PWP1: variants seen among roughly 807,000 people sequenced by gnomAD.
PWP1 encodes the protein PWP1 homolog, endonuclein, also known as periodic tryptophan protein 1 homolog.
In PWP1, 47 loss-of-function variants were observed where a neutral mutation model predicts 69.9. The ratio of observed to expected loss-of-function variants is 0.67; its 90% CI spans 0.53 to 0.86. The LOEUF (loss-of-function observed/expected upper bound fraction) is 0.86. Ranked by LOEUF, PWP1 falls within the 40% of genes least tolerant of loss-of-function variation. The pLI is 0.00. For missense variants in PWP1, 551 were observed against 608.8 expected (o/e 0.91, Z 1.00); for synonymous variants, 222 against 208.2 (o/e 1.07, Z -0.57).
At chr12:107,689,169 C>A (rs188688223) in intron 3 of PWP1, among the ~76,000 whole-genome samples, 1 of 152,192 alleles carries the variant, frequency 6.6e-6, no homozygotes, top group African/African-American at 2.4e-5. Context: ...GTAGTCCCCC[C>A]TTATCCACGG....
chr12:107,696,654 T>C (rs1889596256), intron 6 of PWP1, 70 bp downstream of exon 6: 2 of 1,587,624 alleles, frequency 1.3e-6, no homozygotes, highest in African/African-American at 1.4e-5. Context: ...CCATAAATTA[T>C]GTATTCTCTT....
In PWP1 at chr12:107,709,195, A is replaced by G; in HGVS notation, c.1253A>G (p.Asp418Gly). ...GTGAAGATCTGGGACATCTTAGGAG[A>G]TAGGCCAAGTCTAGTTCATTCTAGG... ...KYVKIWDILG[D>G]RPSLVHSRDM... Residue 418 changes from aspartate to glycine, a missense_variant, in exon 13 of 15, where the codon GAT (aspartate) becomes GGT (glycine). Coordinates refer to ENST00000412830, the MANE Select transcript of PWP1 (RefSeq NM_007062.3). 1 of 1,613,848 alleles carries G rather than the reference A, an allele frequency of 6.2e-7. No homozygotes were observed. The highest frequency in any genetic ancestry group is 8.5e-7 in the Non-Finnish European group (1 of 1,179,830).
At chr12:107,694,837 T>C (rs1210922749) in intron 5 of PWP1, among the ~76,000 whole-genome samples, 1 of 152,158 alleles carries the variant, frequency 6.6e-6, no homozygotes, top group Non-Finnish European at 1.5e-5. Context: ...TAGATATACT[T>C]TATTATTTGG....
intron 10 of PWP1, 46 bp from the exon 11 acceptor site, chr12:107,704,590 G>T (rs1187713122): frequency 1.6e-6 from 2 of 1,276,166 alleles, no homozygotes; most frequent in South Asian, 2.5e-5. Context: ...AAAACATATA[G>T]GAGAATTGAA....
chr12:107,712,208 C>T lies in PWP1; in HGVS notation c.1494C>T (p.Pro498=), dbSNP rs768502578. 69 of 1,611,760 alleles carry T rather than the reference C, an allele frequency of 4.3e-5. No individual in the cohort carries two copies. Among genetic ancestry groups the T allele is most frequent in the South Asian group, 1.6e-4 (15 of 91,040 alleles). The change falls in exon 15 of 15, where the codon CCC becomes CCT. Residue 498 remains proline, a synonymous_variant. Coordinates refer to ENST00000412830, the MANE Select transcript of PWP1 (RefSeq NM_007062.3). The stretch of plus-strand genomic sequence containing the variant: ...TTGGCAGCAGGAGCTCAGATACACC[C>T]ATGGAGTCTTAATGAAGATCATCTA... ...GPFGSRSSDT[P]MES
chr12:107,711,867 C>A (rs1205389784), intron 14 of PWP1, among the ~76,000 whole-genome samples: 1 of 152,086 alleles, frequency 6.6e-6, no homozygotes, highest in Admixed American at 6.6e-5. Flanking sequence ...AGGAATGGGA[C>A]ATTTGTTACC....
intron 13 of PWP1, 68 bp downstream of exon 13, chr12:107,709,300 G>A: frequency 6.5e-7 from 1 of 1,548,094 alleles, no homozygotes; most frequent in Non-Finnish European, 8.8e-7. Context: ...TCTGGAACTT[G>A]TGTTGCGTGT....
chr12:107,688,584 G>A (rs769171647), intron 2 of PWP1, 31 bp from the exon 3 acceptor site: 1 of 1,610,672 alleles, frequency 6.2e-7, no homozygotes, highest in Non-Finnish European at 8.5e-7. Context: ...GTAGCATTTG[G>A]GTGATTCTCT....
At chr12:107,703,107 T>G in intron 9 of PWP1, 76 bp downstream of exon 9, 1 of 1,037,302 alleles carries the variant, frequency 9.6e-7, no homozygotes, top group Non-Finnish European at 1.5e-6. Context: ...CCCAAACGTT[T>G]ATATATGGCT....
intron 3 of PWP1, among the ~76,000 whole-genome samples, chr12:107,690,825 GT>G (rs1252522274): frequency 6.6e-6 from 1 of 152,066 alleles, no homozygotes; most frequent in East Asian, 1.9e-4. Flanking sequence ...CTCCACTTGT[GT>G]TCATTTTTCA....
Position 107,697,649 on chromosome 12 carries a change from G to A in PWP1, c.744+52G>A, listed in dbSNP as rs761563914. ...TCTAATGACAGAGGTAAGTTTACTC[G>A]GGAGTAGGGGTGAAGGGTAAGACCG... On this transcript the variant is annotated intron_variant, in intron 7 of 14. Coordinates refer to ENST00000412830, the MANE Select transcript of PWP1 (RefSeq NM_007062.3). 1.2e-5 allele frequency: 18 copies of A among 1,528,206 alleles called. No homozygotes were observed. In the Admixed American group the frequency reaches 1.4e-4, roughly 12 times the overall value. The allele number at this position is 1,528,206 out of a possible 1,614,324, so 94.7% of individuals were successfully genotyped here.
chr12:107,702,844 T>A, intron 8 of PWP1, 91 bp from the exon 9 acceptor site: 1 of 792,522 alleles, frequency 1.3e-6, no homozygotes, highest in South Asian at 1.5e-5. Context: ...TATTTTATTC[T>A]TTCTGATGCT....
intron 11 of PWP1, among the ~76,000 whole-genome samples, chr12:107,708,251 C>T (rs148590716): frequency 2.6e-5 from 4 of 152,154 alleles, no homozygotes; most frequent in South Asian, 2.1e-4. Context: ...CACCTGCTTC[C>T]CTCTCATCTC....
At chr12:107,689,433 AT>A (rs1206865336) in intron 3 of PWP1, among the ~76,000 whole-genome samples, 1 of 152,116 alleles carries the variant, frequency 6.6e-6, no homozygotes, top group East Asian at 1.9e-4. Context: ...GCATTTTGAG[AT>A]GCTGTTCTTG....
chr12:107,696,729 T>C, intron 6 of PWP1, 145 bp downstream of exon 6: 1 of 1,334,804 alleles, frequency 7.5e-7, no homozygotes. Context: ...GTTATAGAGT[T>C]CTTAACACAC....
At position 107,712,184 on chromosome 12, in the gene PWP1, T is replaced by A. The variant is rs1409992060; in HGVS notation, c.1470T>A (p.Phe490Leu). The A allele has an allele frequency of 4.3e-6, 7 of 1,613,968 alleles. No homozygotes were observed. The highest frequency in any genetic ancestry group is 5.9e-6 in the Non-Finnish European group (7 of 1,179,934). ...SARNSSISGP[F>L]GSRSSDTPME... ...GAAATTCATCTATTAGTGGCCCTTT[T>A]GGCAGCAGGAGCTCAGATACACCCA... is the stretch of plus-strand genomic sequence containing the variant. The change falls in exon 15 of 15, where the codon TTT becomes TTA. Residue 490 changes from phenylalanine to leucine, a missense_variant. By Grantham distance (22) the Phe-to-Leu change is conservative. Coordinates refer to ENST00000412830, the MANE Select transcript of PWP1 (RefSeq NM_007062.3).
Position 107,688,755 on chromosome 12 carries a change from AGCTG to A in PWP1, c.277_280del (p.Ala93SerfsTer4), listed in dbSNP as rs758934165. 1.9e-6 allele frequency: 3 copies of A among 1,614,214 alleles called. No homozygotes were observed. Among genetic ancestry groups the A allele is most frequent in the Non-Finnish European group, 2.5e-6 (3 of 1,180,036 alleles). The stretch of plus-strand genomic sequence containing the variant: ...GATGACAGGACGCTTGATGATGATG[AGCTG>A]GCTGAGTACGACTTAGATAAATATG... On this transcript the variant is annotated frameshift_variant, in exon 3 of 15. Transcript: ENST00000412830. LOFTEE classifies it high-confidence loss of function.
In PWP1 at chr12:107,698,514, C is replaced by T. The variant is rs149040271; in HGVS notation, c.745-859C>T. On this transcript the variant is annotated intron_variant, in intron 7 of 14. Transcript: ENST00000412830. ...CTGCACTCCAACCTGGGTGACAGAG[C>T]GAGATTTTGTCTCTAAAAAAATAAA... Among the ~76,000 whole-genome samples, 686 of 152,224 alleles carry T rather than the reference C, an allele frequency of 4.5e-3. 7 individuals are homozygous for T. Among genetic ancestry groups the T allele is most frequent in the African/African-American group, 0.015 (622 of 41,514 alleles).
chr12:107,703,620 A>G (rs1290618130), intron 9 of PWP1, 65 bp from the exon 10 acceptor site: 2 of 1,303,650 alleles, frequency 1.5e-6, no homozygotes, highest in Non-Finnish European at 2.2e-6. Context: ...TTCTTACCAC[A>G]TGTTAGGTAA....
Sources: allele counts gnomAD v4.1 joint callset (sites outside exome capture counted in the v4.1 genomes callset), GRCh38; gene constraint gnomAD v4.1.1; transcripts MANE v1.5; gene names NCBI Gene and HGNC (gene_info 2026-07-23, HGNC 2026-07-21).